TMOD3: variants seen among roughly 807,000 people sequenced by gnomAD.
TMOD3 encodes the protein tropomodulin 3.
TMOD3 carries 20 observed loss-of-function variants against 39.2 expected under a neutral mutation model. The observed-to-expected ratio is 0.51, with a 90% CI of 0.36 to 0.74. TMOD3 has a LOEUF of 0.74. TMOD3 is among the 30% of genes least tolerant of loss of function. TMOD3 has a pLI of 0.00. For synonymous variants in TMOD3, 143 were observed against 145.8 expected (o/e 0.98, Z 0.14); for missense variants, 381 against 412.8 (o/e 0.92, Z 0.67).
At chr15:51,855,186 G>T (rs1168756060) in intron 1 of TMOD3, among the ~76,000 whole-genome samples, 1 of 152,242 alleles carries the variant, frequency 6.6e-6, no homozygotes, top group East Asian at 1.9e-4. Flanking sequence ...CTGCCACACA[G>T]TATGAGATGT....
chr15:51,836,593 C>T (rs1051046902), intron 1 of TMOD3, among the ~76,000 whole-genome samples: 2 of 151,894 alleles, frequency 1.3e-5, no homozygotes, highest in Non-Finnish European at 1.5e-5. Flanking sequence ...GGCATGTTGG[C>T]ACACACCTGT....
intron 6 of TMOD3, among the ~76,000 whole-genome samples, 172 bp downstream of exon 6, chr15:51,894,117 T>A (rs1484492818): frequency 1.3e-5 from 2 of 152,258 alleles, no homozygotes; most frequent in Non-Finnish European, 2.9e-5. Flanking sequence ...AGTATTATGG[T>A]ATAGTATTTT....
chr15:51,902,867 G>A (rs1247138721), intron 9 of TMOD3, among the ~76,000 whole-genome samples: 5 of 151,980 alleles, frequency 3.3e-5, no homozygotes, highest in African/African-American at 1.2e-4. Context: ...TAGCCAGGAT[G>A]GTCTCGATCT....
chr15:51,876,751 G>A (rs1368434331), intron 3 of TMOD3, among the ~76,000 whole-genome samples: 8 of 151,940 alleles, frequency 5.3e-5, no homozygotes, highest in African/African-American at 1.7e-4. Flanking sequence ...ATGAGCCACC[G>A]CACCCGGCCC....
In TMOD3 at chr15:51,889,103, A is replaced by G. The variant is rs1402985494; in HGVS notation, c.454A>G (p.Ile152Val). 6.3e-7 allele frequency: 1 copy of G among 1,599,078 alleles called. No individual in the cohort carries two copies. Among genetic ancestry groups the G allele is most frequent in the African/African-American group, 1.4e-5 (1 of 73,958 alleles). Residue 152 changes from isoleucine (I) to valine (V), a missense_variant, in exon 5 of 10, where the codon ATA becomes GTA. Coordinates refer to ENST00000308580, the MANE Select transcript of TMOD3 (RefSeq NM_014547.5). ...NLITNTKFCN[I>V]MGSSNGVDQE... ...GATAACGAATACAAAGTTCTGTAATATAATGGGAAGTAGTAATGGTGTTGA... is the reference window on the plus strand; with the variant it reads ...GATAACGAATACAAAGTTCTGTAATGTAATGGGAAGTAGTAATGGTGTTGA...
chr15:51,866,490 G>A (rs1026979208), intron 2 of TMOD3, among the ~76,000 whole-genome samples: 3 of 151,866 alleles, frequency 2.0e-5, no homozygotes, highest in East Asian at 1.9e-4. Flanking sequence ...GAAAAAAAAG[G>A]CTTTCTAAGG....
At chr15:51,873,739 A>C (rs1245988837) in intron 3 of TMOD3, among the ~76,000 whole-genome samples, 2 of 150,952 alleles carry the variant, frequency 1.3e-5, no homozygotes, top group Non-Finnish European at 2.9e-5. Flanking sequence ...ATGGAATCTC[A>C]CTCTGTTACC....
intron 2 of TMOD3, among the ~76,000 whole-genome samples, chr15:51,866,093 A>G (rs1163758543): frequency 6.6e-6 from 1 of 152,186 alleles, no homozygotes; most frequent in African/African-American, 2.4e-5. Context: ...ATTAGAACAT[A>G]TTTCTAATGA....
intron 9 of TMOD3, among the ~76,000 whole-genome samples, chr15:51,906,723 C>G (rs969548073): frequency 2.6e-5 from 4 of 151,980 alleles, no homozygotes; most frequent in Non-Finnish European, 5.9e-5. Flanking sequence ...AATGTTCTAC[C>G]CTAAAGAATT....
intron 1 of TMOD3, among the ~76,000 whole-genome samples, chr15:51,830,453 A>C (rs911955250): frequency 2.6e-5 from 4 of 151,958 alleles, no homozygotes; most frequent in African/African-American, 9.7e-5. Flanking sequence ...CTTGCGGGGG[A>C]TGGTGTGTTT....
chr15:51,852,322 A>G (rs1465897158), intron 1 of TMOD3, among the ~76,000 whole-genome samples: 1 of 152,212 alleles, frequency 6.6e-6, no homozygotes, highest in Non-Finnish European at 1.5e-5. Flanking sequence ...AAAAGACAGC[A>G]TAACAGTCTT....
At chr15:51,878,374 A>ATGTGTG (rs1445627118) in intron 3 of TMOD3, among the ~76,000 whole-genome samples, 1 of 80,766 alleles carries the variant, frequency 1.2e-5, no homozygotes, top group African/African-American at 4.8e-5. Flanking sequence ...TCTTTAAAAT[A>ATGTGTG]TATGTGTGTG....
intron 7 of TMOD3, among the ~76,000 whole-genome samples, chr15:51,897,128 C>T (rs2056624667): frequency 6.6e-6 from 1 of 152,172 alleles, no homozygotes; most frequent in Non-Finnish European, 1.5e-5. Flanking sequence ...TTCTCAAAGC[C>T]CTGTACTGGT....
chr15:51,912,019 C>T lies in TMOD3; in HGVS notation c.*3209C>T, dbSNP rs1039694771. On this transcript the variant is annotated 3_prime_UTR_variant, in exon 10 of 10. Transcript: ENST00000308580. ...ACATCCTTGCTTTGTATAAGATATT[C>T]GCTCTGGAGAAGTTACATGTAAATA... is the stretch of plus-strand genomic sequence containing the variant. 3.9e-5 allele frequency: 6 copies of T among 152,166 alleles called. No individual in the cohort carries two copies. Among genetic ancestry groups the T allele is most frequent in the Non-Finnish European group, 7.3e-5 (5 of 68,036 alleles). 9.4% of individuals were successfully genotyped at this position (152,166 alleles called of 1,614,324 possible). A position where few individuals can be genotyped will look rare whatever the true frequency, so the allele number is the denominator to read the frequency against.
intron 1 of TMOD3, among the ~76,000 whole-genome samples, chr15:51,841,594 C>G (rs2056312956): frequency 6.6e-6 from 1 of 152,170 alleles, no homozygotes; most frequent in African/African-American, 2.4e-5. Context: ...GCAATGATTT[C>G]TAAGACTTCC....
At chr15:51,830,518 CTTT>C (rs565823310) in intron 1 of TMOD3, among the ~76,000 whole-genome samples, 7 of 152,108 alleles carry the variant, frequency 4.6e-5, no homozygotes, top group African/African-American at 1.7e-4. Context: ...GCCACAGTTT[CTTT>C]TTTTCTTTTT....
intron 7 of TMOD3, chr15:51,898,955 G>A (rs1034770374): frequency 2.0e-5 from 3 of 152,008 alleles, no homozygotes; most frequent in Non-Finnish European, 2.9e-5. Flanking sequence ...TGAGTCAAAT[G>A]TCTAACACTG....
intron 3 of TMOD3, among the ~76,000 whole-genome samples, chr15:51,873,357 T>C (rs1595900612): frequency 6.6e-6 from 1 of 152,330 alleles, no homozygotes; most frequent in African/African-American, 2.4e-5. Context: ...CTTATTTTAG[T>C]GGAGATAGAC....
At chr15:51,876,586 C>T (rs947125321) in intron 3 of TMOD3, among the ~76,000 whole-genome samples, 2 of 151,762 alleles carry the variant, frequency 1.3e-5, no homozygotes, top group African/African-American at 2.4e-5. Context: ...CTCAGCCTCC[C>T]GAGTAGCTGG....
Sources: allele counts gnomAD v4.1 joint callset (sites outside exome capture counted in the v4.1 genomes callset), GRCh38; gene constraint gnomAD v4.1.1; transcripts MANE v1.5; gene names NCBI Gene and HGNC (gene_info 2026-07-23, HGNC 2026-07-21).